Variants in RPN2 observed in about 807,000 individuals in gnomAD.
The protein encoded by RPN2 is dolichyl-diphosphooligosaccharide--protein glycosyltransferase subunit 2.
A neutral mutation model predicts 71.4 loss-of-function variants in RPN2; 29 were observed. The observed-to-expected ratio is 0.41, with a 90% CI of 0.30 to 0.55. The LOEUF (loss-of-function observed/expected upper bound fraction) is 0.55, where lower values mean the gene tolerates loss of function less well. RPN2 is among the 20% of genes least tolerant of loss of function. RPN2 has a pLI of 0.35. For missense variants in RPN2, 726 were observed against 774.1 expected (o/e 0.94, Z 0.74); for synonymous variants, 308 against 305.0 (o/e 1.01, Z -0.10).
intron 2 of RPN2, among the ~76,000 whole-genome samples, chr20:37,185,472 ATAG>A (rs1249372476): frequency 6.6e-6 from 1 of 152,162 alleles, no homozygotes; most frequent in African/African-American, 2.4e-5. Context: ...TTTATTCATT[ATAG>A]TAGTATGGAC....
intron 2 of RPN2, among the ~76,000 whole-genome samples, chr20:37,196,340 C>G (rs1379581742): frequency 6.6e-6 from 1 of 152,146 alleles, no homozygotes; most frequent in Non-Finnish European, 1.5e-5. Context: ...ATCAGTCTCC[C>G]GCCTCAAGCC....
intron 1 of RPN2, among the ~76,000 whole-genome samples, chr20:37,181,798 T>A (rs1476752095): frequency 6.6e-6 from 1 of 152,230 alleles, no homozygotes; most frequent in Non-Finnish European, 1.5e-5. Flanking sequence ...GTACTCAATA[T>A]GTTTATTTCT....
intron 11 of RPN2, 88 bp downstream of exon 11, chr20:37,225,890 G>T (rs974976143): frequency 1.1e-6 from 1 of 912,386 alleles, no homozygotes; most frequent in East Asian, 2.6e-5. Flanking sequence ...GGACTAGAGA[G>T]AATTCCACGT....
In RPN2 at chr20:37,229,747, C is replaced by T. The variant is rs1600837748; in HGVS notation, c.1495-226C>T. Reference sequence around the variant, plus strand: ...AAGCAGCTCTATGGGGCTACTATACCAGCAGAAAATTAGAAGTCTTGCTCT... The same window carrying T: ...AAGCAGCTCTATGGGGCTACTATACTAGCAGAAAATTAGAAGTCTTGCTCT... On this transcript the variant is annotated intron_variant, in intron 12 of 16. Transcript: ENST00000237530. The T allele has an allele frequency of 1.0e-5, 6 of 586,526 alleles. No individual in the cohort carries two copies. In the East Asian group the frequency reaches 1.2e-4, roughly 12 times the overall value. 36.3% of individuals were successfully genotyped at this position (586,526 alleles called of 1,614,324 possible).
chr20:37,192,737 G>A (rs950242105), intron 2 of RPN2, among the ~76,000 whole-genome samples: 2 of 152,214 alleles, frequency 1.3e-5, no homozygotes, highest in Non-Finnish European at 2.9e-5. Flanking sequence ...TTATGAAGGG[G>A]AGATATGTGC....
chr20:37,212,304 T>G (rs1390608812), intron 8 of RPN2, among the ~76,000 whole-genome samples: 1 of 151,380 alleles, frequency 6.6e-6, no homozygotes, highest in Non-Finnish European at 1.5e-5. Context: ...AAACTAAGGG[T>G]CAAGCTGGGC....
chr20:37,215,059 T>C (rs982707196), intron 9 of RPN2, among the ~76,000 whole-genome samples: 1 of 152,216 alleles, frequency 6.6e-6, no homozygotes, highest in Non-Finnish European at 1.5e-5. Flanking sequence ...ATGTTTATAA[T>C]GTAATATATT....
At chr20:37,181,053 ACC>A (rs1030061851) in intron 1 of RPN2, among the ~76,000 whole-genome samples, 1 of 151,968 alleles carries the variant, frequency 6.6e-6, no homozygotes, top group Non-Finnish European at 1.5e-5. Context: ...ACATGGTGAA[ACC>A]CCGTCTCTAC....
chr20:37,189,196 A>G (rs192597387), intron 2 of RPN2, among the ~76,000 whole-genome samples: 1 of 152,206 alleles, frequency 6.6e-6, no homozygotes, highest in African/African-American at 2.4e-5. Context: ...TGGCCTCCCA[A>G]AGTGCTGGGA....
chr20:37,185,900 C>T (rs752046719), intron 2 of RPN2, among the ~76,000 whole-genome samples: 3 of 152,232 alleles, frequency 2.0e-5, no homozygotes, highest in Middle Eastern at 6.3e-3. Context: ...GGGCTCCTCC[C>T]GGAAGCACTG....
At chr20:37,192,224 G>C (rs2067157308) in intron 2 of RPN2, among the ~76,000 whole-genome samples, 1 of 152,218 alleles carries the variant, frequency 6.6e-6, no homozygotes, top group South Asian at 2.1e-4. Flanking sequence ...ATAGTAGTAA[G>C]TATATTTGTT....
intron 13 of RPN2, 97 bp from the exon 14 acceptor site, chr20:37,232,199 C>T: frequency 2.0e-6 from 3 of 1,483,666 alleles, no homozygotes; most frequent in South Asian, 1.1e-5. Flanking sequence ...GGCATATCCT[C>T]TTCATGACTG....
In RPN2 at chr20:37,230,022, T is replaced by C; in HGVS notation, c.1544T>C (p.Leu515Ser). 6.2e-7 allele frequency: 1 copy of C among 1,614,202 alleles called. No homozygotes were observed. Among genetic ancestry groups the C allele is most frequent in the South Asian group, 1.1e-5 (1 of 91,086 alleles). ...GAGGAAGAAGCTCCCTCGACTGTCT[T>C]GTCCCAGAACCTTTTCACTCCAAAA... ...FPEEEAPSTV[L>S]SQNLFTPKQE... The change falls in exon 13 of 17, where the codon TTG (leucine) becomes TCG (serine). Residue 515 changes from leucine (L) to serine (S), a missense_variant. By Grantham distance (145) the Leu-to-Ser change is moderately radical. Transcript: ENST00000237530.
At chr20:37,228,408 T>C (rs2068135893) in intron 11 of RPN2, 142 bp from the exon 12 acceptor site, 1 of 784,818 alleles carries the variant, frequency 1.3e-6, no homozygotes. Flanking sequence ...CTCCTTCTAC[T>C]CTCTGGGGCA....
chr20:37,225,489 T>G lies in RPN2; in HGVS notation c.1185-199T>G, dbSNP rs112734708. 2.5e-4 allele frequency among the ~76,000 whole-genome samples: 38 copies of G among 152,324 alleles called. 1 individual carries two copies. Among genetic ancestry groups the G allele is most frequent in the African/African-American group, 6.0e-4 (25 of 41,552 alleles). ...TCCCCAGATCCTGCTGGAAGTTTAT[T>G]CTGCACTTTTCTCAGTCCAGGCTTT... On this transcript the variant is annotated intron_variant, in intron 10 of 16. Transcript: ENST00000237530.
At chr20:37,203,401 C>G (rs2067439421) in intron 4 of RPN2, among the ~76,000 whole-genome samples, 1 of 146,704 alleles carries the variant, frequency 6.8e-6, no homozygotes, top group African/African-American at 2.6e-5. Context: ...CAGGGTCTCA[C>G]TCTATTGCTC....
intron 6 of RPN2, 150 bp downstream of exon 6, chr20:37,205,051 G>A: frequency 5.9e-6 from 7 of 1,183,058 alleles, no homozygotes; most frequent in Non-Finnish European, 8.3e-6. Flanking sequence ...ATGAGAAATA[G>A]AAAGATGTAA....
chr20:37,186,511 G>A (rs2067014466), intron 2 of RPN2, among the ~76,000 whole-genome samples: 1 of 152,034 alleles, frequency 6.6e-6, no homozygotes, highest in African/African-American at 2.4e-5. Flanking sequence ...ATGAGGTCTC[G>A]CTATGTTGCC....
chr20:37,202,692 A>G (rs1776915670), intron 4 of RPN2, among the ~76,000 whole-genome samples: 1 of 152,234 alleles, frequency 6.6e-6, no homozygotes. Flanking sequence ...CCAGAATTAT[A>G]GATAAAAATA....
Sources: allele counts gnomAD v4.1 joint callset (sites outside exome capture counted in the v4.1 genomes callset), GRCh38; gene constraint gnomAD v4.1.1; transcripts MANE v1.5; gene names NCBI Gene and HGNC (gene_info 2026-07-23, HGNC 2026-07-21).